The following LOC128092252 variants were observed in gnomAD, a reference collection of about 807,000 sequenced individuals.
chr15:50,656,009 C>CA, the LOC128092252 span, among the ~76,000 whole-genome samples: 153 of 139,286 alleles, frequency 1.1e-3, no homozygotes, highest in African/African-American at 2.7e-3. Flanking sequence ...AAGAAAAAAA[C>CA]AAAAAAAAAA....
At chr15:50,679,437 A>G in the LOC128092252 span, among the ~76,000 whole-genome samples, 3 of 141,518 alleles carry the variant, frequency 2.1e-5, no homozygotes, top group African/African-American at 8.2e-5. Flanking sequence ...ACTTTTGTTG[A>G]TACATTCATG....
At chr15:50,681,754 G>A in the LOC128092252 span, among the ~76,000 whole-genome samples, 1 of 152,160 alleles carries the variant, frequency 6.6e-6, no homozygotes, top group East Asian at 1.9e-4. Context: ...TAGTTAAGGT[G>A]TTATGTTATT....
the LOC128092252 span, among the ~76,000 whole-genome samples, chr15:50,683,961 C>T: frequency 1.3e-5 from 2 of 151,150 alleles, no homozygotes; most frequent in East Asian, 2.0e-4. Flanking sequence ...CCAAGTTCAA[C>T]GGAGTCTCCT....
the LOC128092252 span, among the ~76,000 whole-genome samples, chr15:50,673,663 T>C: frequency 6.6e-6 from 1 of 152,206 alleles, no homozygotes; most frequent in Non-Finnish European, 1.5e-5. Flanking sequence ...ACAGTTTCTT[T>C]ATCCACTCGT....
At chr15:50,657,917 ATACC>A in the LOC128092252 span, 34,689 of 846,920 alleles carry the variant, frequency 0.041, 1,060 homozygotes, top group African/African-American at 0.1. Flanking sequence ...AAAAAATTAT[ATACC>A]TAGTTTAATT....
the LOC128092252 span, among the ~76,000 whole-genome samples, chr15:50,665,733 G>A: frequency 3.3e-5 from 5 of 152,110 alleles, no homozygotes; most frequent in Non-Finnish European, 7.3e-5. Context: ...AGTGGATCAC[G>A]CCTGTAATCC....
chr15:50,664,308 C>CAAAAA, the LOC128092252 span, among the ~76,000 whole-genome samples: 1 of 58,910 alleles, frequency 1.7e-5, no homozygotes. Context: ...GACTCCGTCT[C>CAAAAA]AAAAAAAAAA....
chr15:50,667,034 C>T, the LOC128092252 span, among the ~76,000 whole-genome samples: 1 of 152,182 alleles, frequency 6.6e-6, no homozygotes, highest in African/African-American at 2.4e-5. Context: ...TGGATCAGGA[C>T]CCCTTTCTGG....
At chr15:50,651,664 G>GAAAAA in the LOC128092252 span, among the ~76,000 whole-genome samples, 1 of 151,794 alleles carries the variant, frequency 6.6e-6, no homozygotes, top group Admixed American at 6.6e-5. Context: ...TTAAAGAAAA[G>GAAAAA]AAGACTGTGG....
At chr15:50,672,861 TGCACTCCA>T in the LOC128092252 span, among the ~76,000 whole-genome samples, 4 of 117,036 alleles carry the variant, frequency 3.4e-5, no homozygotes. Flanking sequence ...AGTGAGCCAC[TGCACTCCA>T]GCCAGGGTGA....
chr15:50,681,011 G>C, the LOC128092252 span, among the ~76,000 whole-genome samples: 24 of 152,224 alleles, frequency 1.6e-4, no homozygotes, highest in South Asian at 4.6e-3. Context: ...CCAGCACTTT[G>C]GGAGGCCAAG....
the LOC128092252 span, among the ~76,000 whole-genome samples, chr15:50,670,120 C>A: frequency 6.6e-6 from 1 of 152,092 alleles, no homozygotes; most frequent in Non-Finnish European, 1.5e-5. Context: ...CTATCACGGA[C>A]ACAAGAGACC....
chr15:50,677,759 AAC>A, the LOC128092252 span, among the ~76,000 whole-genome samples: 93 of 149,536 alleles, frequency 6.2e-4, 8 homozygotes, highest in Middle Eastern at 3.4e-3. Context: ...AAAAAAAAAA[AAC>A]AAAAGGTAAC....
At chr15:50,666,538 T>A in the LOC128092252 span, among the ~76,000 whole-genome samples, 1 of 151,832 alleles carries the variant, frequency 6.6e-6, no homozygotes, top group Non-Finnish European at 1.5e-5. Flanking sequence ...GTGCAGTGGC[T>A]TATACCTGTA....
At chr15:50,648,927 AGAGT>A in the LOC128092252 span, 2 of 1,499,626 alleles carry the variant, frequency 1.3e-6, no homozygotes, top group East Asian at 2.4e-5. Flanking sequence ...TCAAAAAATT[AGAGT>A]TAATGAAAAA....
At chr15:50,678,090 A>G in the LOC128092252 span, among the ~76,000 whole-genome samples, 1 of 151,356 alleles carries the variant, frequency 6.6e-6, no homozygotes, top group Non-Finnish European at 1.5e-5. Context: ...AAATACAAAA[A>G]ATCAGCCGGG....
At chr15:50,681,315 C>T in the LOC128092252 span, among the ~76,000 whole-genome samples, 1 of 147,062 alleles carries the variant, frequency 6.8e-6, no homozygotes, top group African/African-American at 2.7e-5. Flanking sequence ...GCAATGGCCA[C>T]AGCTAAATGC....
chr15:50,684,621 C>G, the LOC128092252 span, among the ~76,000 whole-genome samples: 1 of 151,634 alleles, frequency 6.6e-6, no homozygotes, highest in Admixed American at 6.6e-5. Flanking sequence ...GCCTGGGCAA[C>G]AGAGCGAGAC....
At chr15:50,680,139 G>A in the LOC128092252 span, among the ~76,000 whole-genome samples, 1 of 152,138 alleles carries the variant, frequency 6.6e-6, no homozygotes, top group African/African-American at 2.4e-5. Context: ...GAGGCTGACA[G>A]AGGAGAATCA....
Sources: allele counts gnomAD v4.1 joint callset (sites outside exome capture counted in the v4.1 genomes callset), GRCh38; gene constraint gnomAD v4.1.1; transcripts MANE v1.5.